Variants in TSPAN18 observed in about 807,000 individuals in gnomAD.
TSPAN18 encodes tetraspanin-18.
A neutral mutation model predicts 27.3 loss-of-function variants in TSPAN18; 14 were observed. The ratio of observed to expected loss-of-function variants is 0.51; its 90% CI spans 0.34 to 0.80. TSPAN18 has a LOEUF of 0.80. TSPAN18 is among the 30% of genes least tolerant of loss of function. The pLI is 0.01. For missense variants in TSPAN18, 268 were observed against 323.9 expected, an observed-to-expected ratio of 0.83 and a Z score of 1.32; for synonymous variants, 143 against 136.5, an observed-to-expected ratio of 1.05 and a Z score of -0.33.
intron 2 of TSPAN18, among the ~76,000 whole-genome samples, chr11:44,770,039 C>A (rs1162575833): frequency 6.6e-6 from 1 of 152,126 alleles, no homozygotes; most frequent in Non-Finnish European, 1.5e-5. Context: ...GGCTTGAGGG[C>A]AAAGGTCAAA....
chr11:44,864,883 G>A (rs962953524), intron 3 of TSPAN18, among the ~76,000 whole-genome samples: 1 of 152,206 alleles, frequency 6.6e-6, no homozygotes, highest in Non-Finnish European at 1.5e-5. Flanking sequence ...TTGCCTGGCG[G>A]TCTCCTTGTG....
intron 2 of TSPAN18, among the ~76,000 whole-genome samples, chr11:44,790,680 T>C (rs1237963025): frequency 6.6e-6 from 1 of 152,198 alleles, no homozygotes; most frequent in Non-Finnish European, 1.5e-5. Context: ...GGATGCCAGA[T>C]GTTTAAGTAA....
intron 4 of TSPAN18, among the ~76,000 whole-genome samples, chr11:44,908,821 A>AAGAAAGAAAGAAAGAAAGAAAGAG (rs1554938151): frequency 8.7e-6 from 1 of 114,308 alleles, no homozygotes; most frequent in Admixed American, 8.8e-5. Flanking sequence ...GAAAGAAAGA[A>AAGAAAGAAAGAAAGAAAGAAAGAG]AGAAAGAAAA....
At chr11:44,832,360 G>T (rs1408275463) in intron 2 of TSPAN18, among the ~76,000 whole-genome samples, 1 of 152,150 alleles carries the variant, frequency 6.6e-6, no homozygotes, top group Non-Finnish European at 1.5e-5. Flanking sequence ...ATGCTTGTTG[G>T]TGCTCCACTT....
At chr11:44,851,411 A>T (rs1322028101) in intron 2 of TSPAN18, among the ~76,000 whole-genome samples, 1 of 152,154 alleles carries the variant, frequency 6.6e-6, no homozygotes, top group East Asian at 1.9e-4. Context: ...AGGGGGTTTT[A>T]TACAAATCCG....
chr11:44,881,061 C>G (rs1442216489), intron 3 of TSPAN18, among the ~76,000 whole-genome samples: 4 of 152,218 alleles, frequency 2.6e-5, no homozygotes. Context: ...GCCTGACTGC[C>G]TGTGTTCAAA....
At chr11:44,739,917 G>A (rs1486939571) in intron 1 of TSPAN18, among the ~76,000 whole-genome samples, 1 of 152,176 alleles carries the variant, frequency 6.6e-6, no homozygotes, top group East Asian at 1.9e-4. Context: ...TGGGACATGG[G>A]AGAGGCATGT....
intron 2 of TSPAN18, among the ~76,000 whole-genome samples, chr11:44,832,802 G>A (rs1857183437): frequency 1.3e-5 from 2 of 152,090 alleles, no homozygotes; most frequent in Admixed American, 1.3e-4. Context: ...ACCACCCACT[G>A]ACTTCACTTA....
chr11:44,886,975 C>T (rs966074376), intron 3 of TSPAN18, among the ~76,000 whole-genome samples: 7 of 152,086 alleles, frequency 4.6e-5, no homozygotes, highest in Admixed American at 4.6e-4. Flanking sequence ...GGAGCCAGAA[C>T]TCCAGCTGAC....
intron 2 of TSPAN18, among the ~76,000 whole-genome samples, chr11:44,843,696 A>G (rs547446033): frequency 1.3e-5 from 2 of 152,332 alleles, no homozygotes; most frequent in South Asian, 4.1e-4. Context: ...ACCTACCCCT[A>G]GGTGCGCATT....
intron 1 of TSPAN18, among the ~76,000 whole-genome samples, chr11:44,740,276 C>T (rs539611139): frequency 6.6e-6 from 1 of 152,106 alleles, no homozygotes; most frequent in Non-Finnish European, 1.5e-5. Flanking sequence ...ACCGGGAGAC[C>T]CGTGGGTCAG....
At chr11:44,856,428 GTC>G (rs1293370711) in intron 2 of TSPAN18, among the ~76,000 whole-genome samples, 4 of 152,066 alleles carry the variant, frequency 2.6e-5, no homozygotes, top group Non-Finnish European at 5.9e-5. Context: ...GTTTGCCCTG[GTC>G]TCTCTGCCTA....
chr11:44,831,237 G>T (rs1472255436), intron 2 of TSPAN18, among the ~76,000 whole-genome samples: 4 of 152,330 alleles, frequency 2.6e-5, no homozygotes, highest in Non-Finnish European at 5.9e-5. Flanking sequence ...GAACAGAAAA[G>T]CAGGAGAGGT....
At chr11:44,876,173 A>G (rs752821889) in intron 3 of TSPAN18, among the ~76,000 whole-genome samples, 1 of 152,120 alleles carries the variant, frequency 6.6e-6, no homozygotes, top group Non-Finnish European at 1.5e-5. Context: ...TCCTTATCCC[A>G]TACCTCAGTG....
chr11:44,780,036 T>C (rs1233788331), intron 2 of TSPAN18, among the ~76,000 whole-genome samples: 1 of 152,230 alleles, frequency 6.6e-6, no homozygotes, highest in Non-Finnish European at 1.5e-5. Flanking sequence ...CATACACCTG[T>C]ACACATTTAC....
chr11:44,864,534 C>T (rs915687295), intron 3 of TSPAN18, among the ~76,000 whole-genome samples: 1 of 152,166 alleles, frequency 6.6e-6, no homozygotes, highest in Non-Finnish European at 1.5e-5. Context: ...GAAAATCCCA[C>T]CCCAGCTTCC....
intron 3 of TSPAN18, among the ~76,000 whole-genome samples, chr11:44,870,816 C>G (rs1858173578): frequency 6.6e-6 from 1 of 152,164 alleles, no homozygotes; most frequent in Non-Finnish European, 1.5e-5. Flanking sequence ...AAAGATGTCA[C>G]TACACTCCAT....
intron 3 of TSPAN18, among the ~76,000 whole-genome samples, chr11:44,898,046 T>A (rs530199428): frequency 4.6e-5 from 7 of 152,236 alleles, no homozygotes; most frequent in Non-Finnish European, 8.8e-5. Context: ...ATTCATCTAT[T>A]CATCCAGATA....
At chr11:44,758,367 G>A (rs1004298348) in intron 1 of TSPAN18, among the ~76,000 whole-genome samples, 4 of 152,122 alleles carry the variant, frequency 2.6e-5, no homozygotes, top group African/African-American at 7.2e-5. Flanking sequence ...ATTTTTGTAT[G>A]CTTAACCATC....
Sources: gnomAD v4.1 joint callset for allele counts (sites outside exome capture counted in the v4.1 genomes callset) on GRCh38, gnomAD v4.1.1 for gene constraint, MANE v1.5 for transcripts, NCBI Gene and HGNC (gene_info 2026-07-23, HGNC 2026-07-21) for gene names.